CASP9: variants seen among roughly 807,000 people sequenced by gnomAD.
CASP9 encodes caspase 9, also known as caspase-9.
Under a neutral mutation model 43.5 loss-of-function variants are expected in CASP9, and 29 were observed. The ratio of observed to expected loss-of-function variants is 0.67; its 90% CI spans 0.50 to 0.91. The LOEUF is 0.91. CASP9 is among the 40% of genes least tolerant of loss of function. CASP9 has a pLI of 0.00. For missense variants in CASP9, 575 were observed against 537.4 expected (o/e 1.07, Z -0.69); for synonymous variants, 206 against 211.9 (o/e 0.97, Z 0.24).
In CASP9 at chr1:15,505,585, C is replaced by T. The variant is rs148655955; in HGVS notation, c.720+405G>A. Reference sequence around the variant, plus strand: ...AAGGGCTTAATCACAGTGACAAATACGTAAGGGGCCAAGCCCCCAGTGGGC... The same window carrying T: ...AAGGGCTTAATCACAGTGACAAATATGTAAGGGGCCAAGCCCCCAGTGGGC... On this transcript the variant is annotated intron_variant, in intron 5 of 8. Transcript: ENST00000333868. 1.6e-4 allele frequency among the ~76,000 whole-genome samples: 24 copies of T among 152,290 alleles called. No homozygotes were observed. In the East Asian group the frequency reaches 4.3e-3, roughly 27 times the overall value.
In CASP9 at chr1:15,492,881, T is replaced by C; in HGVS notation, c.*62A>G. The C allele has an allele frequency of 1.9e-6, 3 of 1,600,992 alleles. No individual in the cohort carries two copies. The highest frequency in any genetic ancestry group is 1.1e-5 in the South Asian group (1 of 90,262). ...GCAGGAAAGTCCAGGCCTCAGCCTC[T>C]TTCAGGCCTGGGGCAGGAAAGCTTT... On this transcript the variant is annotated 3_prime_UTR_variant, in exon 9 of 9. Transcript: ENST00000333868.
At chr1:15,522,097 TTTTTCTCCCTCAATAACTTTATAGAGTTA>T (rs1297878453) in intron 1 of CASP9, among the ~76,000 whole-genome samples, 1 of 152,204 alleles carries the variant, frequency 6.6e-6, no homozygotes, top group Non-Finnish European at 1.5e-5. Context: ...TTGTTTCATC[TTTTTCTCCCTCAATAACTTTATAGAGTTA>T]AATTAGAACT....
intron 6 of CASP9, 132 bp downstream of exon 6, chr1:15,504,479 G>C: frequency 1.2e-6 from 1 of 867,384 alleles, no homozygotes; most frequent in South Asian, 1.8e-5. Flanking sequence ...TGCCAAAAAG[G>C]GACCATGTGT....
At chr1:15,524,299 C>T (rs1442354860), upstream of CASP9, 2 of 1,398,300 alleles carry the variant, frequency 1.4e-6, no homozygotes, top group Admixed American at 3.0e-5. Context: ...CAGGGCCTGC[C>T]CCCGCGTCAC....
chr1:15,524,575 G>GCACTGACCTCACGTCCCCC, upstream of CASP9: 1 of 441,238 alleles, frequency 2.3e-6, no homozygotes, highest in Non-Finnish European at 2.9e-6. Flanking sequence ...CCGTATCCCC[G>GCACTGACCTCACGTCCCCC]CACTGACCTC....
intron 2 of CASP9, among the ~76,000 whole-genome samples, chr1:15,511,512 TC>T (rs976760396): frequency 4.1e-4 from 63 of 152,126 alleles, no homozygotes; most frequent in African/African-American, 1.5e-3. Context: ...CAAACAATTC[TC>T]CTGCCTCAGC....
intron 7 of CASP9, 43 bp downstream of exon 7, chr1:15,495,230 A>T: frequency 6.4e-7 from 1 of 1,571,308 alleles, no homozygotes; most frequent in South Asian, 1.2e-5. Context: ...GGCAGACGGG[A>T]AGACCCACTG....
intron 5 of CASP9, 88 bp downstream of exon 5, chr1:15,505,902 G>C: frequency 9.6e-7 from 1 of 1,042,448 alleles, no homozygotes; most frequent in Non-Finnish European, 1.5e-6. Context: ...AGGGTGTTTT[G>C]GACACAAGAA....
intron 6 of CASP9, 50 bp downstream of exon 6, chr1:15,504,561 G>A (rs1166652997): frequency 5.8e-6 from 9 of 1,556,194 alleles, no homozygotes; most frequent in Non-Finnish European, 7.8e-6. Context: ...AGCAGGTGGC[G>A]GCTCCCTCCC....
At chr1:15,524,037 T>C in intron 1 of CASP9, 32 bp downstream of exon 1, 1 of 1,428,442 alleles carries the variant, frequency 7.0e-7, no homozygotes, top group East Asian at 2.9e-5. Context: ...GACCCGGCCG[T>C]GCAGCGCGGG....
At chr1:15,498,742 CTTTTTTTTTTTT>C (rs1218849159) in intron 6 of CASP9, among the ~76,000 whole-genome samples, 1 of 83,494 alleles carries the variant, frequency 1.2e-5, no homozygotes, top group Admixed American at 1.5e-4. Context: ...TGAAAGTGAT[CTTTTTTTTTTTT>C]TTTTTTTTTT....
In CASP9 at chr1:15,507,919, G is replaced by A. The variant is rs763306114; in HGVS notation, c.419-12C>T. 8.7e-6 allele frequency: 14 copies of A among 1,613,924 alleles called. No individual in the cohort carries two copies. The highest frequency in any genetic ancestry group is 1.0e-5 in the Non-Finnish European group (12 of 1,179,916). On this transcript the variant is annotated splice_polypyrimidine_tract_variant and intron_variant, in intron 2 of 8. Transcript: ENST00000333868. Reference sequence around the variant, plus strand: ...ACTCTCAAGAGCACCTGAAGAGGCAGAGAAAGAGAGAAACATGAATGTTGG... The same window carrying A: ...ACTCTCAAGAGCACCTGAAGAGGCAAAGAAAGAGAGAAACATGAATGTTGG...
chr1:15,506,242 AG>A (rs1709515883), intron 4 of CASP9, among the ~76,000 whole-genome samples, 163 bp from the exon 5 acceptor site: 2 of 152,072 alleles, frequency 1.3e-5, no homozygotes, highest in East Asian at 3.9e-4. Flanking sequence ...TGAGGTCACG[AG>A]TTCGAGACCA....
Position 15,518,152 on chromosome 1 carries a change from G to C in CASP9, c.376C>G (p.Pro126Ala). ...CCAGAACCAATGTCCACTGGTCTGG[G>C]TGTTTCCGGTCTGAGAACCTCTGGT... The part of the protein sequence containing the change: ...RKPEVLRPET[P>A]RPVDIGSGGF... The change falls in exon 2 of 9, where the codon CCC (proline) becomes GCC (alanine). Residue 126 changes from proline to alanine, a missense_variant. By Grantham distance (27) the Pro-to-Ala change is conservative. Transcript: ENST00000333868. 6.2e-7 allele frequency: 1 copy of C among 1,614,198 alleles called. No individual in the cohort carries two copies. The highest frequency in any genetic ancestry group is 8.5e-7 in the Non-Finnish European group (1 of 1,180,030).
intron 2 of CASP9, among the ~76,000 whole-genome samples, chr1:15,517,452 C>T (rs927939435): frequency 1.3e-5 from 2 of 152,086 alleles, no homozygotes; most frequent in South Asian, 2.1e-4. Flanking sequence ...AGAGAGTCAA[C>T]GGTCTTACAG....
rs542023464 is a variant in CASP9 at position 15,509,649 on chromosome 1, A to G, written c.419-1742T>C. Reference sequence around the variant, plus strand: ...AAACTCCATCTCAAAAAAAAAAAAAAGAAAGAAAACGTGCTGCGTGAAAAA... The same window carrying G: ...AAACTCCATCTCAAAAAAAAAAAAAGGAAAGAAAACGTGCTGCGTGAAAAA... On this transcript the variant is annotated intron_variant, in intron 2 of 8. Coordinates refer to ENST00000333868, the MANE Select transcript of CASP9 (RefSeq NM_001229.5). 5.6e-4 allele frequency among the ~76,000 whole-genome samples: 85 copies of G among 151,556 alleles called. 1 individual carries two copies. The highest frequency in any genetic ancestry group is 2.0e-3 in the African/African-American group (83 of 41,400).
intron 2 of CASP9, among the ~76,000 whole-genome samples, chr1:15,510,492 G>A (rs1474660410): frequency 6.6e-6 from 1 of 151,996 alleles, no homozygotes; most frequent in Non-Finnish European, 1.5e-5. Flanking sequence ...CCAAAATTCC[G>A]CTGTACCCCA....
chr1:15,517,453 G>T (rs1021484776), intron 2 of CASP9, among the ~76,000 whole-genome samples: 2 of 152,084 alleles, frequency 1.3e-5, no homozygotes, highest in Admixed American at 6.6e-5. Flanking sequence ...GAGAGTCAAC[G>T]GTCTTACAGG....
At chr1:15,496,886 G>A (rs1297110749) in intron 6 of CASP9, among the ~76,000 whole-genome samples, 1 of 151,984 alleles carries the variant, frequency 6.6e-6, no homozygotes, top group East Asian at 1.9e-4. Flanking sequence ...GTGGTGGCAT[G>A]TGCCTGTGGT....
Sources: allele counts gnomAD v4.1 joint callset (sites outside exome capture counted in the v4.1 genomes callset), GRCh38; gene constraint gnomAD v4.1.1; transcripts MANE v1.5; gene names NCBI Gene and HGNC (gene_info 2026-07-23, HGNC 2026-07-21).